The following RAB44 variants were observed in gnomAD, a reference collection of about 807,000 sequenced individuals.
RAB44 encodes the protein RAB44, member RAS oncogene family.
RAB44 carries 67 observed loss-of-function variants against 93.3 expected under a neutral mutation model. The observed-to-expected ratio is 0.72, with a 90% CI of 0.59 to 0.88. The LOEUF is 0.88. Among genes scored for constraint, RAB44 ranks in the 40% least tolerant of loss-of-function variants. The probability of loss-of-function intolerance (pLI) is 0.00; values close to 1 mark genes in which losing one functional copy is unlikely to be tolerated. For missense variants in RAB44, 1,064 were observed against 1,261.7 expected (o/e 0.84, Z 2.37); for synonymous variants, 427 against 520.3 (o/e 0.82, Z 2.44).
Position 36,732,122 on chromosome 6 carries a change from C to T in RAB44, c.*29C>T, listed in dbSNP as rs1763376899. 25 of 1,209,882 alleles carry T rather than the reference C, an allele frequency of 2.1e-5. No individual in the cohort carries two copies. Among genetic ancestry groups the T allele is most frequent in the Non-Finnish European group, 2.6e-5 (25 of 965,918 alleles). The allele number at this position is 1,209,882 out of a possible 1,614,324, so 74.9% of individuals were successfully genotyped here. ...CCTGTCCTGTCCTGGGTAGGATGGA[C>T]ACCCATGGGGTTTCCTGTCCCTCAG... On this transcript the variant is annotated 3_prime_UTR_variant, in exon 14 of 14. Coordinates refer to ENST00000612677, the MANE Select transcript of RAB44 (RefSeq NM_001257357.2).
Position 36,718,160 on chromosome 6 carries a change from G to A in RAB44, c.732+42G>A, listed in dbSNP as rs1190446006. 3 of 1,198,676 alleles carry A rather than the reference G, an allele frequency of 2.5e-6. No individual in the cohort carries two copies. In the African/African-American group the frequency reaches 4.7e-5, roughly 19 times the overall value. The allele number at this position is 1,198,676 out of a possible 1,614,324, so 74.3% of individuals were successfully genotyped here. A position where few individuals can be genotyped will look rare whatever the true frequency, so the allele number is the denominator to read the frequency against. On this transcript the variant is annotated intron_variant, in intron 6 of 13. Transcript: ENST00000612677. ...AGCCTGCCTCCTTCCCACTGCCCGG[G>A]ACACCTCTGCTGGCTAAGGAATGGG...
In RAB44 at chr6:36,721,370, C is replaced by T. The variant is rs1341554444; in HGVS notation, c.1236C>T (p.Ile412=). The T allele has an allele frequency of 8.1e-7, 1 of 1,234,146 alleles. No individual in the cohort carries two copies. Among genetic ancestry groups the T allele is most frequent in the Non-Finnish European group, 1.0e-6 (1 of 988,154 alleles). The allele number at this position is 1,234,146 out of a possible 1,614,324, so 76.4% of individuals were successfully genotyped here. The change falls in exon 9 of 14, where the codon ATC becomes ATT. Residue 412 remains isoleucine (I), a synonymous_variant. Transcript: ENST00000612677. ...QTPRVVRQIS[I]SEPQAFLFGQ... is the part of the protein sequence containing the mutation. ...CCCGTGTGGTCAGGCAGATCTCCAT[C>T]TCGGAGCCACAGGCTTTTCTATTTG...
chr6:36,719,655 G>A (rs549826150), intron 7 of RAB44, among the ~76,000 whole-genome samples: 2 of 152,330 alleles, frequency 1.3e-5, no homozygotes, highest in Middle Eastern at 3.4e-3. Context: ...AGTTGAAATC[G>A]TAGTCAAAGT....
intron 9 of RAB44, among the ~76,000 whole-genome samples, chr6:36,725,362 G>A (rs75719646): frequency 0.029 from 4,417 of 152,250 alleles, 204 homozygotes; most frequent in African/African-American, 0.098. Context: ...TAATCCTCCA[G>A]CCACTCTGCA....
At position 36,717,431 on chromosome 6, in the gene RAB44, G is replaced by A; in HGVS notation, c.641+12G>A. On this transcript the variant is annotated intron_variant, in intron 5 of 13. Transcript: ENST00000612677. The surrounding 1 kb of genome is among the most constrained non-coding windows in gnomAD (Gnocchi z 4.1). ...CTGACCCTGAGGAAGTGAGTGGGGGGCCTGGCCGGGTGTCTGATACGAAGT... is the reference window on the plus strand; with the variant it reads ...CTGACCCTGAGGAAGTGAGTGGGGGACCTGGCCGGGTGTCTGATACGAAGT... The A allele has an allele frequency of 8.1e-7, 1 of 1,232,032 alleles. No homozygotes were observed. Among genetic ancestry groups the A allele is most frequent in the Non-Finnish European group, 1.0e-6 (1 of 987,996 alleles). 76.3% of individuals were successfully genotyped at this position (1,232,032 alleles called of 1,614,324 possible). A position where few individuals can be genotyped will look rare whatever the true frequency, so the allele number is the denominator to read the frequency against.
chr6:36,713,002 T>C (rs373683846), intron 2 of RAB44, among the ~76,000 whole-genome samples: 37 of 152,328 alleles, frequency 2.4e-4, no homozygotes, highest in Middle Eastern at 6.8e-3. Context: ...AGAGCCAAAG[T>C]GTGTGGGCTT....
chr6:36,702,070 A>C (rs979831756), intron 1 of RAB44, among the ~76,000 whole-genome samples: 8 of 152,070 alleles, frequency 5.3e-5, no homozygotes, highest in African/African-American at 1.9e-4. Flanking sequence ...TCTTCAGAAG[A>C]GGTGTGCTGG....
chr6:36,706,813 G>A (rs894011693), intron 2 of RAB44, among the ~76,000 whole-genome samples: 4 of 151,378 alleles, frequency 2.6e-5, no homozygotes, highest in East Asian at 1.9e-4. Flanking sequence ...TGCAACCTCC[G>A]CCTCCTGGGT....
Position 36,717,417 on chromosome 6 carries a change from G to A in RAB44, c.639G>A (p.Arg213=), listed in dbSNP as rs1762949157. The A allele has an allele frequency of 8.1e-7, 1 of 1,232,096 alleles. No individual in the cohort carries two copies. 76.3% of individuals were successfully genotyped at this position (1,232,096 alleles called of 1,614,324 possible). A position where few individuals can be genotyped will look rare whatever the true frequency, so the allele number is the denominator to read the frequency against. Residue 213 remains arginine (R), a splice_region_variant and synonymous_variant, in exon 5 of 14, where the codon AGG becomes AGA. Coordinates refer to ENST00000612677, the MANE Select transcript of RAB44 (RefSeq NM_001257357.2). This position sits in a 1 kb window ranked among gnomAD's most constrained non-coding sequence, Gnocchi z 4.1. ...AGGAGGCCCTGGAGCTGACCCTGAG[G>A]AAGTGAGTGGGGGGCCTGGCCGGGT... is the stretch of plus-strand genomic sequence containing the variant. ...ADKEALELTL[R]KRDSDHHREV...
At position 36,722,041 on chromosome 6, in the gene RAB44, A is replaced by G; in HGVS notation, c.1907A>G (p.Gln636Arg). The G allele has an allele frequency of 1.6e-6, 2 of 1,234,272 alleles. No individual in the cohort carries two copies. Among genetic ancestry groups the G allele is most frequent in the Non-Finnish European group, 2.0e-6 (2 of 988,380 alleles). The allele number at this position is 1,234,272 out of a possible 1,614,324, so 76.5% of individuals were successfully genotyped here. A position where few individuals can be genotyped will look rare whatever the true frequency, so the allele number is the denominator to read the frequency against. The change falls in exon 9 of 14, where the codon CAG becomes CGG. Residue 636 changes from glutamine to arginine, a missense_variant. Physicochemically the swap from Gln to Arg is conservative, Grantham distance 43. Transcript: ENST00000612677. ...CCCACAGAGAGGCTGGAGCAGGGCCAGGCGGGCCCAGCGGTGCAGGAGGGC... is the reference window on the plus strand; with the variant it reads ...CCCACAGAGAGGCTGGAGCAGGGCCGGGCGGGCCCAGCGGTGCAGGAGGGC... ...PVPTERLEQG[Q>R]AGPAVQEGLP...
rs1396209093 is a variant in RAB44 at position 36,717,941 on chromosome 6, C to T, written c.642-87C>T. On this transcript the variant is annotated intron_variant, in intron 5 of 13. Coordinates refer to ENST00000612677, the MANE Select transcript of RAB44 (RefSeq NM_001257357.2). This position sits in a 1 kb window ranked among gnomAD's most constrained non-coding sequence, Gnocchi z 4.1. Reference sequence around the variant, plus strand: ...AGTGAGGAAAGCAATAGGATGGATTCCAAACCCAAGCCCAGACTGCCCCTG... The same window carrying T: ...AGTGAGGAAAGCAATAGGATGGATTTCAAACCCAAGCCCAGACTGCCCCTG... 6.3e-6 allele frequency: 5 copies of T among 796,968 alleles called. No individual in the cohort carries two copies. The highest frequency in any genetic ancestry group is 6.6e-5 in the South Asian group (1 of 15,248). 49.4% of individuals were successfully genotyped at this position (796,968 alleles called of 1,614,324 possible).
rs1762947694 is a variant in RAB44 at position 36,717,376 on chromosome 6, G to A, written c.598G>A (p.Glu200Lys). 1 of 1,232,200 alleles carries A rather than the reference G, an allele frequency of 8.1e-7. No homozygotes were observed. The highest frequency in any genetic ancestry group is 1.0e-6 in the Non-Finnish European group (1 of 988,004). The allele number at this position is 1,232,200 out of a possible 1,614,324, so 76.3% of individuals were successfully genotyped here. Residue 200 changes from glutamate (E) to lysine (K), a missense_variant, in exon 5 of 14, where the codon GAG becomes AAG. Coordinates refer to ENST00000612677, the MANE Select transcript of RAB44 (RefSeq NM_001257357.2). This position sits in a 1 kb window ranked among gnomAD's most constrained non-coding sequence, Gnocchi z 4.1. ...FLAKMTSRLQ[E>K]AQADKEALEL... ...GGCCAAGATGACCAGCCGCCTGCAG[G>A]AGGCCCAGGCGGACAAGGAGGCCCT...
chr6:36,713,639 G>T (rs1031164558), intron 2 of RAB44, among the ~76,000 whole-genome samples, 189 bp from the exon 3 acceptor site: 1 of 152,172 alleles, frequency 6.6e-6, no homozygotes, highest in Non-Finnish European at 1.5e-5. Context: ...CCAGTTCAGG[G>T]CCCTGCTGGG....
At chr6:36,709,549 CTGT>C (rs56752462) in intron 2 of RAB44, among the ~76,000 whole-genome samples, 15,481 of 152,056 alleles carry the variant, frequency 0.1, 954 homozygotes, top group African/African-American at 0.17. Flanking sequence ...GTTAATTGAA[CTGT>C]TGTTGTTGTT....
chr6:36,727,756 C>G (rs1562068264), intron 11 of RAB44, 65 bp downstream of exon 11: 14 of 983,848 alleles, frequency 1.4e-5, no homozygotes, highest in Non-Finnish European at 2.2e-5. Flanking sequence ...ATATCCTGCC[C>G]ACTCCCTCTT....
chr6:36,720,446 C>T lies in RAB44; in HGVS notation c.912C>T (p.Asp304=). Residue 304 remains aspartate, a synonymous_variant, in exon 8 of 14, where the codon GAC becomes GAT. Transcript: ENST00000612677. ...AGCAGCTGCAGGAGGCCAAGCGTGA[C>T]CTGGCTGGGCGGCTGGAGGAGGTGC... ...ENQQLQEAKR[D]LAGRLEEVRG... The T allele has an allele frequency of 8.1e-7, 1 of 1,232,878 alleles. No homozygotes were observed. The highest frequency in any genetic ancestry group is 3.2e-5 in the East Asian group (1 of 31,716). 76.4% of individuals were successfully genotyped at this position (1,232,878 alleles called of 1,614,324 possible).
At chr6:36,702,438 G>A (rs1762536714) in intron 1 of RAB44, among the ~76,000 whole-genome samples, 2 of 152,078 alleles carry the variant, frequency 1.3e-5, no homozygotes, top group African/African-American at 4.8e-5. Flanking sequence ...GCTTGCCCAA[G>A]GGGAGGCCGT....
rs1762582435 is a variant in RAB44 at position 36,704,218 on chromosome 6, C to A, written c.-12-6C>A. On this transcript the variant is annotated splice_polypyrimidine_tract_variant and splice_region_variant and intron_variant, in intron 1 of 13. Coordinates refer to ENST00000612677, the MANE Select transcript of RAB44 (RefSeq NM_001257357.2). ...AGCCCGGTGCCCCTCACTCCTCTGT[C>A]CCCAGGGCCAACGCACCATGGAGAC... 6 of 1,534,222 alleles carry A rather than the reference C, an allele frequency of 3.9e-6. No individual in the cohort carries two copies. Among genetic ancestry groups the A allele is most frequent in the Non-Finnish European group, 4.4e-6 (5 of 1,145,300 alleles).
Position 36,721,412 on chromosome 6 carries a change from A to G in RAB44, c.1278A>G (p.Ser426=). 1 of 1,234,264 alleles carries G rather than the reference A, an allele frequency of 8.1e-7. No individual in the cohort carries two copies. Among genetic ancestry groups the G allele is most frequent in the Non-Finnish European group, 1.0e-6 (1 of 988,200 alleles). The allele number at this position is 1,234,264 out of a possible 1,614,324, so 76.5% of individuals were successfully genotyped here. A position where few individuals can be genotyped will look rare whatever the true frequency, so the allele number is the denominator to read the frequency against. The change falls in exon 9 of 14, where the codon TCA becomes TCG. Residue 426 remains serine, a synonymous_variant. Transcript: ENST00000612677. ...QAFLFGQEPS[S]DPDGAPRTPP... ...TTCTATTTGGTCAGGAGCCATCTTC[A>G]GATCCAGATGGGGCTCCAAGGACCC...
Sources: allele counts gnomAD v4.1 joint callset (sites outside exome capture counted in the v4.1 genomes callset), GRCh38; gene constraint gnomAD v4.1.1; non-coding constraint Gnocchi (gnomAD v3.1); transcripts MANE v1.5; gene names NCBI Gene and HGNC (gene_info 2026-07-23, HGNC 2026-07-21).